Variants in ZNRF1 observed in about 807,000 individuals in gnomAD.
ZNRF1 encodes zinc and ring finger 1.
ZNRF1 carries 3 observed loss-of-function variants against 18.4 expected under a neutral mutation model. The observed-to-expected ratio is 0.16, with a 90% CI of 0.07 to 0.42. ZNRF1 has a LOEUF of 0.42. Ranked by LOEUF, ZNRF1 falls within the 10% of genes least tolerant of loss-of-function variation. The pLI, the probability that ZNRF1 is intolerant of heterozygous loss-of-function variation, is 0.99. For missense variants in ZNRF1, 310 were observed against 329.8 expected, an observed-to-expected ratio of 0.94 and a Z score of 0.47; for synonymous variants, 157 against 144.2, an observed-to-expected ratio of 1.09 and a Z score of -0.64.
chr16:75,096,172 G>A (rs1243403838), intron 2 of ZNRF1, among the ~76,000 whole-genome samples: 1 of 151,704 alleles, frequency 6.6e-6, no homozygotes, highest in East Asian at 1.9e-4. Flanking sequence ...GCAAAGAGAG[G>A]CCAGTTGTCT....
At chr16:75,023,079 C>T (rs1015006417) in intron 1 of ZNRF1, among the ~76,000 whole-genome samples, 1 of 152,088 alleles carries the variant, frequency 6.6e-6, no homozygotes, top group African/African-American at 2.4e-5. Context: ...AAAATTTCTA[C>T]ATTGATTTTA....
At chr16:75,076,322 A>C (rs2035940566) in intron 1 of ZNRF1, among the ~76,000 whole-genome samples, 1 of 152,066 alleles carries the variant, frequency 6.6e-6, no homozygotes. Context: ...ATCTTATTTC[A>C]GGAGGCTGAT....
intron 3 of ZNRF1, 47 bp downstream of exon 3, chr16:75,104,936 G>A: frequency 6.8e-7 from 1 of 1,463,726 alleles, no homozygotes; most frequent in Non-Finnish European, 9.4e-7. Flanking sequence ...CCTCCCAGAG[G>A]GGCGGACCCC....
chr16:75,099,230 G>A (rs2036230416), intron 2 of ZNRF1, among the ~76,000 whole-genome samples: 1 of 152,222 alleles, frequency 6.6e-6, no homozygotes, highest in Non-Finnish European at 1.5e-5. Flanking sequence ...GGCTTTAGGA[G>A]TCATGGTGTG....
chr16:75,053,821 CT>C (rs1567479921), intron 1 of ZNRF1, among the ~76,000 whole-genome samples: 2 of 152,164 alleles, frequency 1.3e-5, no homozygotes, highest in Non-Finnish European at 2.9e-5. Context: ...AAAGTCTAGA[CT>C]TTAGAAAAGA....
chr16:75,051,345 T>C (rs2035601298), intron 1 of ZNRF1, among the ~76,000 whole-genome samples: 1 of 151,696 alleles, frequency 6.6e-6, no homozygotes, highest in Admixed American at 6.6e-5. Context: ...GTAGCTGGGA[T>C]TACAGGTGTG....
intron 1 of ZNRF1, among the ~76,000 whole-genome samples, chr16:75,051,994 AGCTTTTCCTCTT>A (rs2145375535): frequency 6.6e-6 from 1 of 152,326 alleles, no homozygotes; most frequent in South Asian, 2.1e-4. Flanking sequence ...ATTTCTTTAT[AGCTTTTCCTCTT>A]GGTGGAAAGT....
At position 75,092,830 on chromosome 16, in the gene ZNRF1, G is replaced by C. The variant is rs537401687; in HGVS notation, c.425-742G>C. On this transcript the variant is annotated intron_variant, in intron 1 of 4. Transcript: ENST00000335325. ...GGCTGAGGCTGGGAGCTGGGTGAGG[G>C]ATGAGATTCCTCCCAGGGTGATCCA... Among the ~76,000 whole-genome samples the C allele has an allele frequency of 3.3e-5, 5 of 152,314 alleles. No homozygotes were observed. The South Asian group carries it at 1.0e-3, about 32-fold the overall frequency.
Position 75,064,752 on chromosome 16 carries a change from T to C in ZNRF1, c.425-28820T>C, listed in dbSNP as rs1160468517. On this transcript the variant is annotated intron_variant, in intron 1 of 4. Coordinates refer to ENST00000335325, the MANE Select transcript of ZNRF1 (RefSeq NM_032268.5). ...GCTAAATGAGCAACGGACTCAGAGC[T>C]GCTTTGGAGAATGGAGACCTTTTCA... 4.6e-5 allele frequency among the ~76,000 whole-genome samples: 7 copies of C among 152,334 alleles called. No individual in the cohort carries two copies. The East Asian group carries it at 1.3e-3, about 29-fold the overall frequency.
intron 1 of ZNRF1, among the ~76,000 whole-genome samples, chr16:75,076,873 C>T (rs922417786): frequency 3.9e-5 from 6 of 151,912 alleles, no homozygotes; most frequent in South Asian, 2.1e-4. Context: ...GCATGTGAGA[C>T]ACAGCAAGAT....
At position 75,000,022 on chromosome 16, in the gene ZNRF1, C is replaced by T. The variant is rs764471838; in HGVS notation, c.351C>T (p.Tyr117=). Residue 117 remains tyrosine (Y), a synonymous_variant, in exon 1 of 5, where the codon TAC becomes TAT. Transcript: ENST00000335325. ...GTCACCATAGAGACGGGATGCTGTA[C>T]CTGGGCTCCCGAGCCTCGCTGGCGG... ...GGGHHRDGML[Y]LGSRASLADA... The T allele has an allele frequency of 3.1e-6, 5 of 1,594,462 alleles. No homozygotes were observed. Among genetic ancestry groups the T allele is most frequent in the South Asian group, 2.3e-5 (2 of 87,500 alleles).
chr16:75,017,169 A>G (rs1209698876), intron 1 of ZNRF1, among the ~76,000 whole-genome samples: 2 of 152,198 alleles, frequency 1.3e-5, no homozygotes, highest in East Asian at 3.8e-4. Flanking sequence ...AAACAACAAA[A>G]ACTGGTTAGC....
intron 1 of ZNRF1, among the ~76,000 whole-genome samples, chr16:75,005,335 G>T (rs577333223): frequency 6.6e-6 from 1 of 152,316 alleles, no homozygotes; most frequent in African/African-American, 2.4e-5. Context: ...TTTGAATGGT[G>T]TTGTAAGAAA....
chr16:75,022,612 TAAA>T, intron 1 of ZNRF1, among the ~76,000 whole-genome samples: 1 of 151,996 alleles, frequency 6.6e-6, no homozygotes, highest in Non-Finnish European at 1.5e-5. Flanking sequence ...AATAAATAAA[TAAA>T]TTTAAATTAG....
intron 1 of ZNRF1, among the ~76,000 whole-genome samples, chr16:75,091,468 T>TAAG (rs1428382485): frequency 6.6e-6 from 1 of 151,722 alleles, no homozygotes; most frequent in African/African-American, 2.4e-5. Flanking sequence ...TTTACAACAG[T>TAAG]ATAGTGAACT....
At chr16:75,003,477 G>A (rs1159879463) in intron 1 of ZNRF1, among the ~76,000 whole-genome samples, 1 of 152,126 alleles carries the variant, frequency 6.6e-6, no homozygotes, top group Non-Finnish European at 1.5e-5. Flanking sequence ...ACTCTATGGA[G>A]TAAGACTGTT....
At chr16:75,043,760 A>G (rs2035478823) in intron 1 of ZNRF1, among the ~76,000 whole-genome samples, 2 of 144,066 alleles carry the variant, frequency 1.4e-5, no homozygotes, top group Non-Finnish European at 3.0e-5. Flanking sequence ...AACCTGTTGC[A>G]TATCAGGAGC....
intron 1 of ZNRF1, among the ~76,000 whole-genome samples, chr16:75,013,425 C>A (rs2035025689): frequency 6.6e-6 from 1 of 151,966 alleles, no homozygotes; most frequent in African/African-American, 2.4e-5. Flanking sequence ...CAGCTCACTG[C>A]AACCTCTGCC....
At chr16:75,088,633 C>T (rs1361584566) in intron 1 of ZNRF1, among the ~76,000 whole-genome samples, 2 of 152,152 alleles carry the variant, frequency 1.3e-5, no homozygotes, top group Non-Finnish European at 2.9e-5. Context: ...CGAGCAAGAG[C>T]GCAGACTTCC....
Sources: gnomAD v4.1 joint callset for allele counts (sites outside exome capture counted in the v4.1 genomes callset) on GRCh38, gnomAD v4.1.1 for gene constraint, MANE v1.5 for transcripts, NCBI Gene and HGNC (gene_info 2026-07-23, HGNC 2026-07-21) for gene names.